The following SLC23A2 variants were observed in gnomAD, a reference collection of about 807,000 sequenced individuals.
SLC23A2 encodes solute carrier family 23 member 2, also known as Na(+)/L-ascorbic acid transporter 2.
SLC23A2 carries 36 observed loss-of-function variants against 73.3 expected under a neutral mutation model. That is an observed-to-expected ratio of 0.49 (90% CI 0.38 to 0.65). SLC23A2 has a LOEUF of 0.65. Ranked by LOEUF, SLC23A2 falls within the 30% of genes least tolerant of loss-of-function variation. SLC23A2 has a pLI of 0.00. For synonymous variants in SLC23A2, 343 were observed against 327.3 expected (o/e 1.05, Z -0.52); for missense variants, 507 against 841.6 (o/e 0.60, Z 4.92).
chr20:4,991,657 G>A (rs2087923875), intron 1 of SLC23A2, among the ~76,000 whole-genome samples: 2 of 151,534 alleles, frequency 1.3e-5, no homozygotes, highest in African/African-American at 4.9e-5. Flanking sequence ...AGGAGGCGGA[G>A]GTTGCAGTGA....
At chr20:4,976,732 T>C (rs1423066045) in intron 1 of SLC23A2, among the ~76,000 whole-genome samples, 8 of 151,788 alleles carry the variant, frequency 5.3e-5, no homozygotes, top group Non-Finnish European at 1.0e-4. Context: ...CCCAGCACTT[T>C]GGGAGGCTGA....
At chr20:5,009,964 A>G (rs914965808) in intron 1 of SLC23A2, among the ~76,000 whole-genome samples, 85 of 152,066 alleles carry the variant, frequency 5.6e-4, no homozygotes, top group African/African-American at 1.6e-3. Flanking sequence ...GCGTGGTTGC[A>G]GGCGCCTGTA....
chr20:4,944,035 T>A (rs1192614366), intron 2 of SLC23A2, among the ~76,000 whole-genome samples: 3 of 152,256 alleles, frequency 2.0e-5, no homozygotes, highest in Non-Finnish European at 2.9e-5. Flanking sequence ...ACCTTTGGAA[T>A]GATAGAAATC....
In SLC23A2 at chr20:4,854,604, A is replaced by G. The variant is rs573349802; in HGVS notation, c.*2368T>C. 6.6e-6 allele frequency: 1 copy of G among 152,290 alleles called. No individual in the cohort carries two copies. Among genetic ancestry groups the G allele is most frequent in the African/African-American group, 2.4e-5 (1 of 41,536 alleles). 9.4% of individuals were successfully genotyped at this position (152,290 alleles called of 1,614,324 possible). On this transcript the variant is annotated 3_prime_UTR_variant, in exon 17 of 17. Coordinates refer to ENST00000338244, the MANE Select transcript of SLC23A2 (RefSeq NM_005116.6). ...ATCAGAACAGGAAACTCTCACTCCA[A>G]CAGGAGTTGAAAGGGTAGGGCTTCC...
chr20:4,862,173 C>G lies in SLC23A2; in HGVS notation c.1487-88G>C. On this transcript the variant is annotated intron_variant, in intron 14 of 16. Coordinates refer to ENST00000338244, the MANE Select transcript of SLC23A2 (RefSeq NM_005116.6). This position sits in a 1 kb window ranked among gnomAD's most constrained non-coding sequence, Gnocchi z 5.1. The stretch of plus-strand genomic sequence containing the variant: ...GGTGAGGGCAGGCTCCCTGGCACCC[C>G]TTCTCTGTCCAACAGAAACCAATGA... The G allele has an allele frequency of 7.5e-7, 1 of 1,338,386 alleles. No homozygotes were observed. Among genetic ancestry groups the G allele is most frequent in the Non-Finnish European group, 1.0e-6 (1 of 955,232 alleles). The allele number at this position is 1,338,386 out of a possible 1,614,324, so 82.9% of individuals were successfully genotyped here.
intron 2 of SLC23A2, among the ~76,000 whole-genome samples, chr20:4,938,882 C>T (rs934160459): frequency 1.1e-4 from 16 of 152,130 alleles, no homozygotes; most frequent in African/African-American, 3.9e-4. Context: ...CTTCATCTCA[C>T]CCCTTCTCAC....
In SLC23A2 at chr20:4,856,619, A is replaced by T. The variant is rs1929721610; in HGVS notation, c.*353T>A. 1 of 209,060 alleles carries T rather than the reference A, an allele frequency of 4.8e-6. No homozygotes were observed. The highest frequency in any genetic ancestry group is 5.4e-5 in the Admixed American group (1 of 18,520). 13.0% of individuals were successfully genotyped at this position (209,060 alleles called of 1,614,324 possible). ...GAGAGAGAAAGCCCCTGGACCCTGG[A>T]GGTGGCTTATAGGAAAGCCAGCCCT... On this transcript the variant is annotated 3_prime_UTR_variant, in exon 17 of 17. Transcript: ENST00000338244. This position sits in a 1 kb window ranked among gnomAD's most constrained non-coding sequence, Gnocchi z 4.6.
At chr20:4,983,136 A>G (rs557469809) in intron 1 of SLC23A2, among the ~76,000 whole-genome samples, 1 of 152,150 alleles carries the variant, frequency 6.6e-6, no homozygotes, top group South Asian at 2.1e-4. Flanking sequence ...ATGTAAAACA[A>G]TGAAGGTGGA....
chr20:4,862,863 G>C lies in SLC23A2; in HGVS notation c.1401C>G (p.Leu467=), dbSNP rs34068132. 944 of 1,613,892 alleles carry C rather than the reference G, an allele frequency of 5.8e-4. 6 individuals are homozygous for C. The African/African-American group carries it at 0.01, about 18-fold the overall frequency. The part of the protein sequence containing the change: ...RVIQCGAALM[L]ALGMIGKFSA... ...TGAACTTCCCGATCATGCCCAGAGC[G>C]AGCATGAGGGCTGCTCCGCACTGTA... The change falls in exon 14 of 17, where the codon CTC becomes CTG. Residue 467 remains leucine, a synonymous_variant. Coordinates refer to ENST00000338244, the MANE Select transcript of SLC23A2 (RefSeq NM_005116.6). This position sits in a 1 kb window ranked among gnomAD's most constrained non-coding sequence, Gnocchi z 5.1.
intron 1 of SLC23A2, among the ~76,000 whole-genome samples, chr20:4,976,877 G>A (rs1198423173): frequency 3.3e-5 from 5 of 152,104 alleles, no homozygotes; most frequent in South Asian, 2.1e-4. Flanking sequence ...TCAGGAGGCT[G>A]AGGCAGGAGA....
At chr20:4,879,843 T>C (rs1324526777) in intron 9 of SLC23A2, among the ~76,000 whole-genome samples, 1 of 152,232 alleles carries the variant, frequency 6.6e-6, no homozygotes, top group Non-Finnish European at 1.5e-5. Context: ...TTCTAAGGAA[T>C]AGTCTGTCAA....
intron 1 of SLC23A2, among the ~76,000 whole-genome samples, chr20:5,006,929 C>G (rs1419519067): frequency 1.3e-5 from 2 of 149,358 alleles, no homozygotes; most frequent in African/African-American, 5.0e-5. Flanking sequence ...GTGGCAGGAC[C>G]AAGACCTGCC....
intron 2 of SLC23A2, among the ~76,000 whole-genome samples, chr20:4,963,010 A>G (rs2087417370): frequency 6.6e-6 from 1 of 152,162 alleles, no homozygotes; most frequent in Non-Finnish European, 1.5e-5. Flanking sequence ...AAAAGTTGCC[A>G]GATGATGGCA....
chr20:4,907,128 T>C (rs1464896715), intron 4 of SLC23A2, among the ~76,000 whole-genome samples: 1 of 152,210 alleles, frequency 6.6e-6, no homozygotes, highest in African/African-American at 2.4e-5. Flanking sequence ...GGCTGAGGAA[T>C]ACCACACAGC....
chr20:4,853,775 G>A lies in SLC23A2; in HGVS notation c.*3197C>T, dbSNP rs756396701. Reference sequence around the variant, plus strand: ...CATGATGCTTCATTCTGGCTGGCATGGTTAAAGCCACTTCTCTTGCCTTGA... The same window carrying A: ...CATGATGCTTCATTCTGGCTGGCATAGTTAAAGCCACTTCTCTTGCCTTGA... On this transcript the variant is annotated 3_prime_UTR_variant, in exon 17 of 17. Coordinates refer to ENST00000338244, the MANE Select transcript of SLC23A2 (RefSeq NM_005116.6). The A allele has an allele frequency of 6.6e-6, 1 of 152,408 alleles. No individual in the cohort carries two copies. Among genetic ancestry groups the A allele is most frequent in the Non-Finnish European group, 1.5e-5 (1 of 68,042 alleles). The allele number at this position is 152,408 out of a possible 1,614,324, so 9.4% of individuals were successfully genotyped here.
intron 1 of SLC23A2, among the ~76,000 whole-genome samples, chr20:5,007,851 A>C (rs1214801170): frequency 1.3e-5 from 2 of 152,024 alleles, no homozygotes; most frequent in Non-Finnish European, 2.9e-5. Flanking sequence ...ACTACATTGT[A>C]GTGTGCTTCA....
At chr20:4,932,414 T>C in intron 3 of SLC23A2, 41 bp downstream of exon 3, 1 of 1,133,846 alleles carries the variant, frequency 8.8e-7, no homozygotes, top group Non-Finnish European at 1.3e-6. Context: ...CGGAAACTAC[T>C]TTCAAGAGAT....
chr20:4,994,319 C>T (rs1181879164), intron 1 of SLC23A2, among the ~76,000 whole-genome samples: 1 of 152,090 alleles, frequency 6.6e-6, no homozygotes, highest in Admixed American at 6.6e-5. Flanking sequence ...TTTCGGGGTC[C>T]ACCCTAGATC....
At chr20:4,979,003 G>A (rs149926996) in intron 1 of SLC23A2, among the ~76,000 whole-genome samples, 4 of 152,226 alleles carry the variant, frequency 2.6e-5, no homozygotes, top group African/African-American at 9.6e-5. Context: ...CAAAGGACCA[G>A]GCACGGTGGC....
Sources: gnomAD v4.1 joint callset for allele counts (sites outside exome capture counted in the v4.1 genomes callset) on GRCh38, gnomAD v4.1.1 for gene constraint, Gnocchi (gnomAD v3.1) non-coding constraint, MANE v1.5 for transcripts, NCBI Gene and HGNC (gene_info 2026-07-23, HGNC 2026-07-21) for gene names.